The following RAPGEF6 variants were observed in gnomAD, a reference collection of about 807,000 sequenced individuals.
RAPGEF6 encodes Rap guanine nucleotide exchange factor 6, also known as PDZ domain containing guanine nucleotide exchange factor (GEF) 2.
Under a neutral mutation model 171.4 loss-of-function variants are expected in RAPGEF6, and 56 were observed. The ratio of observed to expected loss-of-function variants is 0.33; its 90% CI spans 0.26 to 0.41. RAPGEF6 has a LOEUF of 0.41. Ranked by LOEUF, RAPGEF6 falls within the 10% of genes least tolerant of loss-of-function variation. RAPGEF6 has a pLI of 1.00. For missense variants in RAPGEF6, 1,674 were observed against 1,921.4 expected (o/e 0.87, Z 2.41); for synonymous variants, 692 against 650.1 (o/e 1.06, Z -0.98).
rs750249526 is a variant in RAPGEF6 at position 131,505,476 on chromosome 5, T to C, written c.989A>G (p.His330Arg). 1 of 1,613,712 alleles carries C rather than the reference T, an allele frequency of 6.2e-7. No individual in the cohort carries two copies. The highest frequency in any genetic ancestry group is 8.5e-7 in the Non-Finnish European group (1 of 1,179,770). The change falls in exon 10 of 28, where the codon CAT becomes CGT. Residue 330 changes from histidine to arginine, a missense_variant. His to Arg is a conservative substitution (Grantham distance 29). Around this residue, in one of 3 missense-constraint regions of RAPGEF6, gnomAD observed 1,116 missense variants for 1,321.5 expected, o/e 0.84. Transcript: ENST00000509018. ...VILNGTVEIS[H>R]PDGKVENLFM... ...CAAATTTTCAACTTTTCCATCTGGA[T>C]GACTGATTTCCACAGTGCCGTTTAA...
chr5:131,597,475 A>G (rs1041497745), intron 3 of RAPGEF6, among the ~76,000 whole-genome samples: 1 of 152,212 alleles, frequency 6.6e-6, no homozygotes, highest in African/African-American at 2.4e-5. Context: ...GAATGAACAG[A>G]TAAAGAAAAT....
chr5:131,497,874 T>A (rs1273634328), intron 12 of RAPGEF6, among the ~76,000 whole-genome samples: 1 of 152,208 alleles, frequency 6.6e-6, no homozygotes, highest in Non-Finnish European at 1.5e-5. Flanking sequence ...TGTGCAAACA[T>A]ATCCCATGAA....
chr5:131,514,391 A>G (rs879379765), intron 7 of RAPGEF6, among the ~76,000 whole-genome samples: 3 of 148,442 alleles, frequency 2.0e-5, no homozygotes, highest in African/African-American at 4.9e-5. Flanking sequence ...TCCTGGGCAG[A>G]AAGTTTAATT....
intron 21 of RAPGEF6, among the ~76,000 whole-genome samples, chr5:131,448,840 T>C (rs1162186964): frequency 6.6e-6 from 1 of 152,282 alleles, no homozygotes; most frequent in South Asian, 2.1e-4. Flanking sequence ...CAAGTATTCT[T>C]CTTTATAATA....
chr5:131,545,939 TCAAA>T (rs1241955986), intron 6 of RAPGEF6, among the ~76,000 whole-genome samples: 1 of 152,200 alleles, frequency 6.6e-6, no homozygotes, highest in Non-Finnish European at 1.5e-5. Flanking sequence ...CTTAGCGTTA[TCAAA>T]CAAACAGAAT....
chr5:131,576,748 A>T (rs1315553198), intron 4 of RAPGEF6, among the ~76,000 whole-genome samples: 1 of 152,150 alleles, frequency 6.6e-6, no homozygotes, highest in East Asian at 1.9e-4. Flanking sequence ...CTCAAGGCAA[A>T]TGGTTCTTGG....
chr5:131,538,221 T>G (rs901895209), intron 6 of RAPGEF6, among the ~76,000 whole-genome samples: 1 of 152,218 alleles, frequency 6.6e-6, no homozygotes, highest in African/African-American at 2.4e-5. Context: ...TGATTCAAAA[T>G]ACAGTCATGC....
chr5:131,537,616 T>A (rs557877172), intron 6 of RAPGEF6, among the ~76,000 whole-genome samples: 1 of 152,168 alleles, frequency 6.6e-6, no homozygotes, highest in South Asian at 2.1e-4. Flanking sequence ...TTGGAAAAAA[T>A]TTAACTGCAT....
chr5:131,433,882 T>C (rs1287179310), intron 24 of RAPGEF6, among the ~76,000 whole-genome samples: 1 of 152,182 alleles, frequency 6.6e-6, no homozygotes, highest in Middle Eastern at 3.4e-3. Context: ...AACTACACAT[T>C]CAAGAAAAAG....
chr5:131,588,688 A>G (rs1763407669), intron 4 of RAPGEF6, among the ~76,000 whole-genome samples: 1 of 151,874 alleles, frequency 6.6e-6, no homozygotes, highest in African/African-American at 2.4e-5. Flanking sequence ...GGTTGAGGTG[A>G]GCCGAGACTG....
chr5:131,484,894 T>C (rs1255663527), intron 15 of RAPGEF6, among the ~76,000 whole-genome samples: 5 of 152,196 alleles, frequency 3.3e-5, no homozygotes, highest in South Asian at 2.1e-4. Context: ...CTTACTACTT[T>C]TATTAAAACT....
At chr5:131,623,510 T>C (rs1413344548) in intron 1 of RAPGEF6, among the ~76,000 whole-genome samples, 1 of 137,034 alleles carries the variant, frequency 7.3e-6, no homozygotes, top group Non-Finnish European at 1.5e-5. Context: ...TGAGACAGAG[T>C]TTCACTCTTG....
At chr5:131,450,164 A>G in intron 21 of RAPGEF6, 2 of 1,139,168 alleles carry the variant, frequency 1.8e-6, no homozygotes. Context: ...ACATTTTATC[A>G]GGAAAAAATT....
rs1322469108 is a variant in RAPGEF6 at position 131,489,886 on chromosome 5, G to GTA, written c.1732-233_1732-232insTA. Among the ~76,000 whole-genome samples the GTA allele has an allele frequency of 4.0e-5, 6 of 150,784 alleles. No individual in the cohort carries two copies. In the East Asian group the frequency reaches 1.2e-3, roughly 29 times the overall value. On this transcript the variant is annotated intron_variant, in intron 14 of 27. Coordinates refer to ENST00000509018, the MANE Select transcript of RAPGEF6 (RefSeq NM_016340.6). ...TTTTTTTTGACAGTTAATGCCCTCT[G>GTA]GGATCATACTGAGGAAATTTAAAAA...
At chr5:131,468,028 CA>C (rs980713248) in intron 17 of RAPGEF6, among the ~76,000 whole-genome samples, 52 of 142,448 alleles carry the variant, frequency 3.7e-4, no homozygotes, top group Admixed American at 4.2e-4. Flanking sequence ...GAGGCTCTGT[CA>C]AAAAAAAAAA....
chr5:131,429,132 G>A lies in RAPGEF6; in HGVS notation c.4550C>T (p.Ala1517Val), dbSNP rs202220211. ...TPPGYLGISLADLKEGPHTHL... is the reference protein window; with the variant it reads ...TPPGYLGISLVDLKEGPHTHL... ...TGTGTGGGGTCCTTCCTTTAGGTCCGCTAAAGAAATCCCCAAATATCCTGG... is the reference window on the plus strand; with the variant it reads ...TGTGTGGGGTCCTTCCTTTAGGTCCACTAAAGAAATCCCCAAATATCCTGG... The change falls in exon 27 of 28, where the codon GCG becomes GTG. Residue 1517 changes from alanine (A) to valine (V), a missense_variant. Around this residue, in one of 3 missense-constraint regions of RAPGEF6, gnomAD observed 552 missense variants for 574.2 expected, o/e 0.96. Coordinates refer to ENST00000509018, the MANE Select transcript of RAPGEF6 (RefSeq NM_016340.6). 300 of 1,613,670 alleles carry A rather than the reference G, an allele frequency of 1.9e-4. No individual in the cohort carries two copies. The highest frequency in any genetic ancestry group is 2.4e-4 in the Non-Finnish European group (281 of 1,179,674).
chr5:131,507,752 T>C (rs1757460876), intron 9 of RAPGEF6, among the ~76,000 whole-genome samples: 1 of 152,174 alleles, frequency 6.6e-6, no homozygotes, highest in South Asian at 2.1e-4. Context: ...TAGAAAAATA[T>C]TCAAGAATCT....
intron 4 of RAPGEF6, among the ~76,000 whole-genome samples, chr5:131,585,615 C>T (rs1457101756): frequency 6.6e-6 from 1 of 152,124 alleles, no homozygotes; most frequent in Non-Finnish European, 1.5e-5. Context: ...CACCTGAGGT[C>T]ACGAGTTCGA....
At position 131,617,153 on chromosome 5, in the gene RAPGEF6, G is replaced by C. The variant is rs1362893140; in HGVS notation, c.70-12460C>G. 2.0e-5 allele frequency among the ~76,000 whole-genome samples: 3 copies of C among 152,182 alleles called. No homozygotes were observed. The South Asian group carries it at 6.2e-4, about 32-fold the overall frequency. The stretch of plus-strand genomic sequence containing the variant: ...ATCATTTGGAAGGCAGTCTAACAAT[G>C]TGGAAGACAGCTGGATGCAGTGGCA... On this transcript the variant is annotated intron_variant, in intron 1 of 27. Coordinates refer to ENST00000509018, the MANE Select transcript of RAPGEF6 (RefSeq NM_016340.6).
Sources: gnomAD v4.1 joint callset for allele counts (sites outside exome capture counted in the v4.1 genomes callset) on GRCh38, gnomAD v4.1.1 for gene constraint, gnomAD v4.1.1 regional missense constraint, MANE v1.5 for transcripts, NCBI Gene and HGNC (gene_info 2026-07-23, HGNC 2026-07-21) for gene names.